Variants in OLFM2 observed in about 807,000 individuals in gnomAD.
OLFM2 encodes the protein olfactomedin 2.
OLFM2 carries 20 observed loss-of-function variants against 43.9 expected under a neutral mutation model. The ratio of observed to expected loss-of-function variants is 0.46; its 90% CI spans 0.32 to 0.66. The LOEUF (loss-of-function observed/expected upper bound fraction) is 0.66. Among genes scored for constraint, OLFM2 ranks in the 30% least tolerant of loss-of-function variants. The pLI is 0.04. For missense variants in OLFM2, 416 were observed against 643.6 expected (o/e 0.65, Z 3.83); for synonymous variants, 268 against 278.6 (o/e 0.96, Z 0.38).
At chr19:9,894,376 C>CAAT (rs528905230) in intron 1 of OLFM2, among the ~76,000 whole-genome samples, 9,984 of 118,116 alleles carry the variant, frequency 0.085, 533 homozygotes, top group African/African-American at 0.18. Context: ...GACTCTCTCT[C>CAAT]AATAATAATA....
intron 1 of OLFM2, among the ~76,000 whole-genome samples, chr19:9,906,539 G>A (rs551533240): frequency 7.2e-5 from 11 of 152,158 alleles, no homozygotes; most frequent in African/African-American, 9.6e-5. Context: ...AGGGACAAGC[G>A]GGAAGGCTCA....
intron 1 of OLFM2, among the ~76,000 whole-genome samples, chr19:9,872,531 A>T (rs75765822): frequency 5.3e-5 from 8 of 150,570 alleles, no homozygotes; most frequent in African/African-American, 1.9e-4. Context: ...AAAAAAAAAA[A>T]ATATTAGTTC....
At chr19:9,877,985 T>C (rs750349646) in intron 1 of OLFM2, among the ~76,000 whole-genome samples, 37 of 152,222 alleles carry the variant, frequency 2.4e-4, no homozygotes, top group Non-Finnish European at 3.8e-4. Flanking sequence ...CCTGAGTAGC[T>C]GGGACTACAC....
chr19:9,913,521 T>G, intron 1 of OLFM2: 1 of 1,187,726 alleles, frequency 8.4e-7, no homozygotes, highest in Non-Finnish European at 1.1e-6. Flanking sequence ...ACGGTGCCGT[T>G]GAGCCCCACG....
In OLFM2 at chr19:9,905,240, G is replaced by A. The variant is rs1054859558; in HGVS notation, c.63+31064C>T. ...TGGGAGGCCGAGGCGGGCAGATCAT[G>A]AGGTCAGGAGATTGAGACCATCATG... On this transcript the variant is annotated intron_variant, in intron 1 of 5. Transcript: ENST00000264833. Among the ~76,000 whole-genome samples the A allele has an allele frequency of 2.0e-5, 3 of 152,144 alleles. No individual in the cohort carries two copies. The East Asian group carries it at 5.8e-4, about 29-fold the overall frequency.
At chr19:9,887,670 A>C (rs1331807946) in intron 1 of OLFM2, among the ~76,000 whole-genome samples, 1 of 151,760 alleles carries the variant, frequency 6.6e-6, no homozygotes, top group Non-Finnish European at 1.5e-5. Flanking sequence ...GCAGCCAGAG[A>C]GCACCTGTGA....
At chr19:9,928,567 G>T (rs1358338207) in intron 1 of OLFM2, among the ~76,000 whole-genome samples, 1 of 152,092 alleles carries the variant, frequency 6.6e-6, no homozygotes, top group Non-Finnish European at 1.5e-5. Flanking sequence ...CACTGAGGGA[G>T]GCCAAGGTGG....
At chr19:9,888,217 TTG>T (rs2145462081) in intron 1 of OLFM2, among the ~76,000 whole-genome samples, 1 of 152,174 alleles carries the variant, frequency 6.6e-6, no homozygotes, top group Non-Finnish European at 1.5e-5. Flanking sequence ...TGAAATGTCA[TTG>T]TCTCAAAAGA....
rs1170009206 is a variant in OLFM2 at position 9,856,366 on chromosome 19, G to C, written c.687+441C>G. Among the ~76,000 whole-genome samples, 3 of 152,190 alleles carry C rather than the reference G, an allele frequency of 2.0e-5. No homozygotes were observed. Among genetic ancestry groups the C allele is most frequent in the Non-Finnish European group, 4.4e-5 (3 of 68,036 alleles). ...GCCCACCTCAGCCTCCCAAAGTGCT[G>C]GGATTACAGGCATGAGCCACCATGC... On this transcript the variant is annotated intron_variant, in intron 5 of 5. Coordinates refer to ENST00000264833, the MANE Select transcript of OLFM2 (RefSeq NM_058164.4). This position sits in a 1 kb window ranked among gnomAD's most constrained non-coding sequence, Gnocchi z 4.0.
intron 1 of OLFM2, among the ~76,000 whole-genome samples, chr19:9,861,172 C>T (rs1435875802): frequency 1.3e-5 from 2 of 151,460 alleles, no homozygotes; most frequent in Non-Finnish European, 2.9e-5. Context: ...AGTGACATAT[C>T]GGCTCTGGAG....
chr19:9,930,039 CAAAA>C (rs886663569), intron 1 of OLFM2, among the ~76,000 whole-genome samples: 3 of 145,772 alleles, frequency 2.1e-5, no homozygotes, highest in African/African-American at 7.5e-5. Context: ...AACTCCATCT[CAAAA>C]AAAAAAAGAA....
chr19:9,907,917 A>AT (rs1307139807), intron 1 of OLFM2, among the ~76,000 whole-genome samples: 2 of 152,090 alleles, frequency 1.3e-5, no homozygotes, highest in Non-Finnish European at 2.9e-5. Flanking sequence ...AGGCAGGAGA[A>AT]TCGCTTGAAT....
At chr19:9,900,312 G>C (rs898396827) in intron 1 of OLFM2, among the ~76,000 whole-genome samples, 4 of 152,114 alleles carry the variant, frequency 2.6e-5, no homozygotes, top group Admixed American at 2.0e-4. Context: ...TCTCCAGCTG[G>C]AGCAGGGAAG....
intron 1 of OLFM2, among the ~76,000 whole-genome samples, chr19:9,897,191 T>TG (rs1490102202): frequency 6.6e-6 from 1 of 152,086 alleles, no homozygotes; most frequent in Non-Finnish European, 1.5e-5. Flanking sequence ...TAGGCAGGCA[T>TG]GGTGGTGCAT....
At chr19:9,855,734 C>A (rs2046311841) in intron 5 of OLFM2, among the ~76,000 whole-genome samples, 1 of 151,928 alleles carries the variant, frequency 6.6e-6, no homozygotes, top group South Asian at 2.1e-4. Flanking sequence ...CAAGGTCTCG[C>A]AATGTTGCCC....
chr19:9,881,017 C>A (rs2046535622), intron 1 of OLFM2, among the ~76,000 whole-genome samples: 2 of 152,152 alleles, frequency 1.3e-5, no homozygotes, highest in Admixed American at 1.3e-4. Flanking sequence ...CCTGCCTCAG[C>A]CTCCCAAGCA....
chr19:9,908,458 T>C lies in OLFM2; in HGVS notation c.63+27846A>G, dbSNP rs1486452615. Among the ~76,000 whole-genome samples, 13 of 131,100 alleles carry C rather than the reference T, an allele frequency of 9.9e-5. No homozygotes were observed. The Admixed American group carries it at 1.0e-3, about 10-fold the overall frequency. The allele number at this position is 131,100 out of a possible 152,430, so 86.0% of individuals were successfully genotyped here. A position where few individuals can be genotyped will look rare whatever the true frequency, so the allele number is the denominator to read the frequency against. On this transcript the variant is annotated intron_variant, in intron 1 of 5. Coordinates refer to ENST00000264833, the MANE Select transcript of OLFM2 (RefSeq NM_058164.4). Reference sequence around the variant, plus strand: ...GATTACAGGTGCCTGCCATCACACCTGGCTAATTTTTTTTTTTTTTTTTTT... The same window carrying C: ...GATTACAGGTGCCTGCCATCACACCCGGCTAATTTTTTTTTTTTTTTTTTT...
At chr19:9,879,058 T>TG (rs2046516464) in intron 1 of OLFM2, among the ~76,000 whole-genome samples, 1 of 152,108 alleles carries the variant, frequency 6.6e-6, no homozygotes, top group African/African-American at 2.4e-5. Context: ...AGGGGCCCAG[T>TG]GGGAGGTGAC....
Position 9,857,975 on chromosome 19 carries a change from GC to G in OLFM2, c.214-115del. ...GCTGTACAAACACCACACCGACGAGGCCACCTTCTCCTCCCCTGAGCTTACC... is the reference window on the plus strand; with the variant it reads ...GCTGTACAAACACCACACCGACGAGGCACCTTCTCCTCCCCTGAGCTTACC... On this transcript the variant is annotated intron_variant, in intron 2 of 5. Transcript: ENST00000264833. This position sits in a 1 kb window ranked among gnomAD's most constrained non-coding sequence, Gnocchi z 5.7. The G allele has an allele frequency of 7.5e-7, 1 of 1,332,542 alleles. No individual in the cohort carries two copies. The highest frequency in any genetic ancestry group is 1.1e-6 in the Non-Finnish European group (1 of 943,306). 82.5% of individuals were successfully genotyped at this position (1,332,542 alleles called of 1,614,324 possible). A position where few individuals can be genotyped will look rare whatever the true frequency, so the allele number is the denominator to read the frequency against.
Sources: gnomAD v4.1 joint callset for allele counts (sites outside exome capture counted in the v4.1 genomes callset) on GRCh38, gnomAD v4.1.1 for gene constraint, Gnocchi (gnomAD v3.1) non-coding constraint, MANE v1.5 for transcripts, NCBI Gene and HGNC (gene_info 2026-07-23, HGNC 2026-07-21) for gene names.